Variants in CSMD1 observed in about 807,000 individuals in gnomAD.
CSMD1 encodes CUB and Sushi multiple domains 1, also known as CUB and sushi domain-containing protein 1.
Under a neutral mutation model 417.5 loss-of-function variants are expected in CSMD1, and 213 were observed. The ratio of observed to expected loss-of-function variants is 0.51; its 90% CI spans 0.46 to 0.57. CSMD1 has a LOEUF of 0.57. Among genes scored for constraint, CSMD1 ranks in the 20% least tolerant of loss-of-function variants. The pLI, the probability that CSMD1 is intolerant of heterozygous loss-of-function variation, is 0.00. For synonymous variants in CSMD1, 2,862 were observed against 1,736.8 expected (o/e 1.65, Z -16.11); for missense variants, 6,923 against 4,529.7 (o/e 1.53, Z -15.17).
At chr8:3,382,554 T>C (rs1810704094) in intron 18 of CSMD1, among the ~76,000 whole-genome samples, 2 of 49,512 alleles carry the variant, frequency 4.0e-5, no homozygotes, top group South Asian at 4.8e-4. Flanking sequence ...ATTAGCATTA[T>C]GTCTTTCTCT....
chr8:3,733,447 T>G (rs1796371628), intron 6 of CSMD1, among the ~76,000 whole-genome samples: 1 of 151,382 alleles, frequency 6.6e-6, no homozygotes, highest in Admixed American at 6.6e-5. Flanking sequence ...ATGTATGCAC[T>G]AATCTTCACT....
chr8:3,126,105 T>C (rs1332314908), intron 41 of CSMD1, among the ~76,000 whole-genome samples: 1 of 152,230 alleles, frequency 6.6e-6, no homozygotes. Context: ...GAGTTCAGCC[T>C]GGTTGTGCCA....
chr8:3,760,068 T>C (rs954056132), intron 5 of CSMD1, among the ~76,000 whole-genome samples: 3 of 152,066 alleles, frequency 2.0e-5, no homozygotes, highest in Middle Eastern at 3.4e-3. Flanking sequence ...AGGTCAGGGA[T>C]ATTGGTGCTT....
At chr8:4,763,617 C>A (rs1232897059) in intron 1 of CSMD1, among the ~76,000 whole-genome samples, 1 of 152,138 alleles carries the variant, frequency 6.6e-6, no homozygotes, top group East Asian at 1.9e-4. Context: ...TCTTTGACCT[C>A]ATTTTACCAA....
At chr8:4,189,686 A>T (rs1005621353) in intron 3 of CSMD1, among the ~76,000 whole-genome samples, 4 of 152,162 alleles carry the variant, frequency 2.6e-5, no homozygotes, top group Admixed American at 6.5e-5. Context: ...TTTGAACGGA[A>T]AGAGTGTTGA....
chr8:3,599,181 G>A (rs1395474690), intron 8 of CSMD1, among the ~76,000 whole-genome samples: 1 of 151,574 alleles, frequency 6.6e-6, no homozygotes, highest in South Asian at 2.1e-4. Flanking sequence ...GTGTGTGTGT[G>A]AGATGAGGGA....
intron 6 of CSMD1, among the ~76,000 whole-genome samples, chr8:3,744,130 T>C (rs187333240): frequency 2.6e-5 from 4 of 152,338 alleles, no homozygotes; most frequent in African/African-American, 7.2e-5. Flanking sequence ...CCTGAAATGA[T>C]TGAGACTTGT....
At chr8:3,681,772 A>G (rs1387281095) in intron 7 of CSMD1, among the ~76,000 whole-genome samples, 2 of 152,170 alleles carry the variant, frequency 1.3e-5, no homozygotes, top group African/African-American at 2.4e-5. Context: ...GAGGCATCAC[A>G]CTACCTGACT....
intron 1 of CSMD1, among the ~76,000 whole-genome samples, chr8:4,876,037 A>C (rs1803019352): frequency 6.6e-6 from 1 of 152,076 alleles, no homozygotes. Flanking sequence ...AAGGGGAAAA[A>C]ACCTATCAAT....
chr8:3,910,006 A>G (rs1294088951), intron 5 of CSMD1, among the ~76,000 whole-genome samples: 1 of 152,186 alleles, frequency 6.6e-6, no homozygotes, highest in African/African-American at 2.4e-5. Context: ...CCATTTATTT[A>G]TAAATAAAGG....
rs145376670 is a variant in CSMD1 at position 4,011,530 on chromosome 8, G to A, written c.611-13420C>T. ...AGAGTTTCACCCTCCTGGGTTTCCT[G>A]CAGAAGGCCCACATGTCAGCCACAG... On this transcript the variant is annotated intron_variant, in intron 4 of 69. Coordinates refer to ENST00000635120, the MANE Select transcript of CSMD1 (RefSeq NM_033225.6). 3.8e-3 allele frequency among the ~76,000 whole-genome samples: 576 copies of A among 152,212 alleles called. 3 individuals carry two copies. Among genetic ancestry groups the A allele is most frequent in the African/African-American group, 0.013 (556 of 41,520 alleles).
chr8:3,383,014 A>C (rs954939389), intron 18 of CSMD1, among the ~76,000 whole-genome samples: 6 of 152,222 alleles, frequency 3.9e-5, no homozygotes, highest in African/African-American at 1.4e-4. Flanking sequence ...GAGAGGAGAA[A>C]CAGGATCTCA....
At chr8:3,286,561 A>C (rs1020466564) in intron 25 of CSMD1, among the ~76,000 whole-genome samples, 1 of 151,950 alleles carries the variant, frequency 6.6e-6, no homozygotes, top group Non-Finnish European at 1.5e-5. Flanking sequence ...TTTGATTTGC[A>C]TTTCTCTGAT....
intron 11 of CSMD1, among the ~76,000 whole-genome samples, chr8:3,475,474 G>T (rs929831207): frequency 9.2e-5 from 14 of 152,194 alleles, no homozygotes; most frequent in African/African-American, 3.4e-4. Flanking sequence ...ATGTTAGGCA[G>T]CATACCAAGG....
At chr8:4,688,933 C>G (rs1189811754) in intron 1 of CSMD1, among the ~76,000 whole-genome samples, 2 of 152,200 alleles carry the variant, frequency 1.3e-5, no homozygotes, top group Non-Finnish European at 2.9e-5. Context: ...TTAAAGCATT[C>G]ACTTTCTTAT....
At chr8:3,427,340 C>G (rs145235995) in intron 12 of CSMD1, among the ~76,000 whole-genome samples, 1 of 152,250 alleles carries the variant, frequency 6.6e-6, no homozygotes, top group East Asian at 1.9e-4. Flanking sequence ...TGAATCAGTA[C>G]TGATTTTTCT....
chr8:4,662,689 T>C (rs1355174035), intron 1 of CSMD1, among the ~76,000 whole-genome samples: 1 of 152,302 alleles, frequency 6.6e-6, no homozygotes, highest in African/African-American at 2.4e-5. Flanking sequence ...TTCAGGAGCA[T>C]TTGTACACTG....
intron 12 of CSMD1, among the ~76,000 whole-genome samples, chr8:3,440,418 T>C (rs1189048191): frequency 6.6e-6 from 1 of 152,214 alleles, no homozygotes; most frequent in Non-Finnish European, 1.5e-5. Context: ...TTATAAATTG[T>C]ATTTTAAAGA....
At chr8:3,675,673 T>TGG (rs775248322) in intron 7 of CSMD1, among the ~76,000 whole-genome samples, 36 of 152,310 alleles carry the variant, frequency 2.4e-4, no homozygotes, top group Non-Finnish European at 4.6e-4. Context: ...AATTAGAAGA[T>TGG]GCCATCTGCA....
Sources: allele counts gnomAD v4.1 joint callset (sites outside exome capture counted in the v4.1 genomes callset), GRCh38; gene constraint gnomAD v4.1.1; transcripts MANE v1.5; gene names NCBI Gene and HGNC (gene_info 2026-07-23, HGNC 2026-07-21).